Variants in SPIDR observed in about 807,000 individuals in gnomAD.
The protein encoded by SPIDR is DNA repair-scaffolding protein.
In SPIDR, 93 loss-of-function variants were observed where a neutral mutation model predicts 104.6. The ratio of observed to expected loss-of-function variants is 0.89; its 90% CI spans 0.75 to 1.06. The LOEUF is 1.06. Ranked by LOEUF, SPIDR falls within the 50% of genes least tolerant of loss-of-function variation. The pLI is 0.00. For missense variants in SPIDR, 1,154 were observed against 1,111.2 expected (o/e 1.04, Z -0.55); for synonymous variants, 431 against 416.9 (o/e 1.03, Z -0.41).
At chr8:47,282,379 A>C (rs1264708851) in intron 2 of SPIDR, among the ~76,000 whole-genome samples, 11 of 152,234 alleles carry the variant, frequency 7.2e-5, no homozygotes, top group African/African-American at 2.7e-4. Context: ...AGGCTCTTTC[A>C]TCTATATTGA....
intron 5 of SPIDR, among the ~76,000 whole-genome samples, chr8:47,351,795 G>A (rs528985253): frequency 8.5e-5 from 13 of 152,240 alleles, no homozygotes; most frequent in African/African-American, 2.9e-4. Flanking sequence ...AAAGTATACA[G>A]GAGGATGTAT....
chr8:47,266,892 T>G (rs2034190389), intron 1 of SPIDR, among the ~76,000 whole-genome samples: 1 of 152,212 alleles, frequency 6.6e-6, no homozygotes, highest in Admixed American at 6.5e-5. Context: ...AGTCAGTCAC[T>G]CCCCATTCTC....
intron 10 of SPIDR, among the ~76,000 whole-genome samples, chr8:47,647,677 GGAGAGAGA>G (rs140899135): frequency 1.4e-5 from 1 of 69,556 alleles, no homozygotes; most frequent in Non-Finnish European, 3.7e-5. Flanking sequence ...AGGGAGAGAG[GGAGAGAGA>G]GAGAGAGAGA....
intron 10 of SPIDR, among the ~76,000 whole-genome samples, chr8:47,662,009 C>T (rs913568348): frequency 1.3e-5 from 2 of 152,190 alleles, no homozygotes; most frequent in African/African-American, 4.8e-5. Context: ...TTCCACAGCT[C>T]CTTGTTCTCT....
intron 8 of SPIDR, among the ~76,000 whole-genome samples, chr8:47,595,472 A>G (rs1490411650): frequency 7.6e-6 from 1 of 131,580 alleles, no homozygotes; most frequent in Non-Finnish European, 1.6e-5. Flanking sequence ...ATTTTATTTC[A>G]TTGTTTGGGC....
intron 1 of SPIDR, 47 bp downstream of exon 1, chr8:47,261,038 G>A (rs1301183893): frequency 8.2e-7 from 1 of 1,225,688 alleles, no homozygotes; most frequent in Non-Finnish European, 1.0e-6. Context: ...CCCGCGTTGC[G>A]GGGAAGCGGC....
At chr8:47,357,929 G>A (rs2054888314) in intron 5 of SPIDR, 1 of 901,496 alleles carries the variant, frequency 1.1e-6, no homozygotes, top group Admixed American at 6.2e-5. Context: ...ATTTCAGCAG[G>A]CTTGCATGTA....
chr8:47,462,034 T>C (rs2074024498), intron 8 of SPIDR, among the ~76,000 whole-genome samples: 1 of 152,132 alleles, frequency 6.6e-6, no homozygotes, highest in Admixed American at 6.5e-5. Context: ...TTCTTCTTCT[T>C]TGCGTAGGCT....
intron 16 of SPIDR, among the ~76,000 whole-genome samples, chr8:47,715,397 G>A (rs1442721504): frequency 4.6e-5 from 7 of 151,934 alleles, no homozygotes; most frequent in Admixed American, 1.3e-4. Flanking sequence ...GGCTGGTCTC[G>A]AACTCCTGAC....
chr8:47,444,040 A>G (rs2070037939), intron 8 of SPIDR, among the ~76,000 whole-genome samples: 1 of 152,256 alleles, frequency 6.6e-6, no homozygotes, highest in Non-Finnish European at 1.5e-5. Flanking sequence ...AAAAAAATGC[A>G]TTAATCTATA....
intron 3 of SPIDR, among the ~76,000 whole-genome samples, chr8:47,288,533 C>G (rs1163228154): frequency 1.3e-5 from 2 of 152,206 alleles, no homozygotes; most frequent in Non-Finnish European, 2.9e-5. Flanking sequence ...ATCCACCCAC[C>G]TCGGCCTCCC....
chr8:47,421,274 C>T (rs144415308), intron 7 of SPIDR, among the ~76,000 whole-genome samples: 2 of 152,120 alleles, frequency 1.3e-5, no homozygotes, highest in Non-Finnish European at 2.9e-5. Context: ...GGTCTTTTCA[C>T]ATAGTCCTAT....
At chr8:47,520,894 T>C (rs569162927) in intron 8 of SPIDR, among the ~76,000 whole-genome samples, 3 of 152,304 alleles carry the variant, frequency 2.0e-5, no homozygotes, top group African/African-American at 7.2e-5. Context: ...TCAAAGACTT[T>C]TCCAGGGATA....
At chr8:47,546,860 C>A (rs377181223) in intron 8 of SPIDR, 2 of 385,930 alleles carry the variant, frequency 5.2e-6, no homozygotes, top group Non-Finnish European at 1.0e-5. Flanking sequence ...AATGGTGAGG[C>A]GTATACGTTT....
chr8:47,589,036 T>G (rs947290263), intron 8 of SPIDR, among the ~76,000 whole-genome samples: 2 of 149,350 alleles, frequency 1.3e-5, no homozygotes, highest in Non-Finnish European at 3.0e-5. Context: ...TTTTTTTTTT[T>G]TTTTTTTGTA....
At chr8:47,340,202 T>C (rs541034110) in intron 5 of SPIDR, among the ~76,000 whole-genome samples, 13 of 152,310 alleles carry the variant, frequency 8.5e-5, no homozygotes, top group African/African-American at 2.6e-4. Context: ...TCAATAAATG[T>C]GTGCTTTAGG....
intron 8 of SPIDR, among the ~76,000 whole-genome samples, chr8:47,488,744 C>G (rs2078142764): frequency 6.6e-6 from 1 of 152,136 alleles, no homozygotes; most frequent in Non-Finnish European, 1.5e-5. Flanking sequence ...GAACCAAAGA[C>G]AAAAACCACA....
Position 47,380,431 on chromosome 8 carries a change from G to A in SPIDR, c.526-15945G>A, listed in dbSNP as rs149002551. Reference sequence around the variant, plus strand: ...ACCTCGGAGGACCGTGTTGCTGGGCGGGGCCTGCTGTTTGCTGTGGAGCCC... The same window carrying A: ...ACCTCGGAGGACCGTGTTGCTGGGCAGGGCCTGCTGTTTGCTGTGGAGCCC... On this transcript the variant is annotated intron_variant, in intron 5 of 19. Transcript: ENST00000297423. Among the ~76,000 whole-genome samples, 638 of 152,244 alleles carry A rather than the reference G, an allele frequency of 4.2e-3. 5 individuals carry two copies. The highest frequency in any genetic ancestry group is 0.014 in the African/African-American group (600 of 41,542).
intron 8 of SPIDR, among the ~76,000 whole-genome samples, chr8:47,572,673 A>T (rs138624777): frequency 6.9e-6 from 1 of 145,808 alleles, no homozygotes; most frequent in South Asian, 2.2e-4. Context: ...AAATTAAATT[A>T]AAATAAATAA....
Sources: allele counts gnomAD v4.1 joint callset (sites outside exome capture counted in the v4.1 genomes callset), GRCh38; gene constraint gnomAD v4.1.1; transcripts MANE v1.5; gene names NCBI Gene and HGNC (gene_info 2026-07-23, HGNC 2026-07-21).